Variants in GRIK4 observed in about 807,000 individuals in gnomAD.
The protein encoded by GRIK4 is glutamate ionotropic receptor kainate type subunit 4.
Under a neutral mutation model 104.9 loss-of-function variants are expected in GRIK4, and 40 were observed. That is an observed-to-expected ratio of 0.38 (90% CI 0.30 to 0.50). GRIK4 has a LOEUF of 0.50. Ranked by LOEUF, GRIK4 falls within the 20% of genes least tolerant of loss-of-function variation. The pLI is 0.93. For synonymous variants in GRIK4, 485 were observed against 524.9 expected (o/e 0.92, Z 1.04); for missense variants, 1,047 against 1,308.1 (o/e 0.80, Z 3.08).
intron 1 of GRIK4, among the ~76,000 whole-genome samples, chr11:120,537,941 C>G (rs1947995028): frequency 6.6e-6 from 1 of 152,066 alleles, no homozygotes; most frequent in African/African-American, 2.4e-5. Context: ...GGAAGTGTCT[C>G]TATCCTATGA....
chr11:120,544,875 A>G (rs1444405983), intron 1 of GRIK4, among the ~76,000 whole-genome samples: 1 of 152,330 alleles, frequency 6.6e-6, no homozygotes, highest in African/African-American at 2.4e-5. Context: ...CTAAGGGACC[A>G]TAAGATGAAA....
intron 3 of GRIK4, among the ~76,000 whole-genome samples, chr11:120,750,586 C>G (rs1417528460): frequency 6.6e-6 from 1 of 152,082 alleles, no homozygotes; most frequent in African/African-American, 2.4e-5. Context: ...CCAGGCTGGT[C>G]TCAAACTCCT....
intron 1 of GRIK4, among the ~76,000 whole-genome samples, chr11:120,517,056 C>A (rs1205254314): frequency 6.7e-6 from 1 of 148,662 alleles, no homozygotes; most frequent in African/African-American, 2.5e-5. Flanking sequence ...CCTCGCCGCC[C>A]TCCCTCCACG....
chr11:120,753,648 A>C (rs968206119), intron 3 of GRIK4, among the ~76,000 whole-genome samples: 2 of 152,174 alleles, frequency 1.3e-5, no homozygotes, highest in African/African-American at 4.8e-5. Flanking sequence ...TAGTTATTCT[A>C]CATCCAGCCC....
chr11:120,776,922 A>T (rs553423237), intron 3 of GRIK4, among the ~76,000 whole-genome samples: 1 of 152,298 alleles, frequency 6.6e-6, no homozygotes, highest in African/African-American at 2.4e-5. Flanking sequence ...CAGAAGCAAC[A>T]TCCCATGATT....
At chr11:120,529,956 TC>T (rs1947906077) in intron 1 of GRIK4, among the ~76,000 whole-genome samples, 1 of 152,202 alleles carries the variant, frequency 6.6e-6, no homozygotes, top group African/African-American at 2.4e-5. Flanking sequence ...AGAGCTAGGA[TC>T]CCGTTCTCCT....
intron 19 of GRIK4, among the ~76,000 whole-genome samples, chr11:120,975,147 G>T (rs750093571): frequency 2.0e-4 from 31 of 152,194 alleles, no homozygotes; most frequent in Non-Finnish European, 3.8e-4. Flanking sequence ...TGGAAAAGAG[G>T]CCAGTGGCAT....
chr11:120,644,176 T>C (rs1714966743), intron 1 of GRIK4, among the ~76,000 whole-genome samples: 1 of 152,124 alleles, frequency 6.6e-6, no homozygotes, highest in South Asian at 2.1e-4. Flanking sequence ...ACAAGGATAC[T>C]GTATTTTTTA....
chr11:120,887,208 G>T (rs772007955), intron 11 of GRIK4, among the ~76,000 whole-genome samples: 2 of 152,172 alleles, frequency 1.3e-5, no homozygotes, highest in Non-Finnish European at 2.9e-5. Context: ...TTTTGTGGCA[G>T]ATTGGAGAGG....
chr11:120,705,232 CTTTTTTTTT>C (rs902505786), intron 3 of GRIK4, among the ~76,000 whole-genome samples: 1 of 139,084 alleles, frequency 7.2e-6, no homozygotes, highest in African/African-American at 2.5e-5. Context: ...TCTTTCTTTT[CTTTTTTTTT>C]TTTTTTTGAG....
chr11:120,622,702 G>T (rs1487378769), intron 1 of GRIK4, among the ~76,000 whole-genome samples: 3 of 152,202 alleles, frequency 2.0e-5, no homozygotes, highest in Non-Finnish European at 2.9e-5. Context: ...GAGGCCAGAA[G>T]TCTGCAATCA....
intron 15 of GRIK4, among the ~76,000 whole-genome samples, chr11:120,954,367 G>A (rs1350615365): frequency 4.0e-5 from 6 of 151,850 alleles, no homozygotes; most frequent in Non-Finnish European, 8.8e-5. Flanking sequence ...CATGGCCACT[G>A]TTGAGTATCT....
chr11:120,928,280 A>G (rs1431063439), intron 13 of GRIK4, among the ~76,000 whole-genome samples: 1 of 151,204 alleles, frequency 6.6e-6, no homozygotes. Flanking sequence ...TAGCTTTCCC[A>G]AAGACCCCTC....
rs1011034724 is a variant in GRIK4, at chr11:120,962,693, A to G, written c.2266+12A>G. 2 of 1,578,322 alleles carry G rather than the reference A, an allele frequency of 1.3e-6. No individual in the cohort carries two copies. The highest frequency in any genetic ancestry group is 1.7e-6 in the Non-Finnish European group (2 of 1,147,764). On this transcript the variant is annotated intron_variant, in intron 18 of 20. Transcript: ENST00000527524. ...TGGCATGCCAGTCGGTATGCGGGAGAGGAACAGCCTCTTTGGGTAGCTTTG... is the reference window on the plus strand; with the variant it reads ...TGGCATGCCAGTCGGTATGCGGGAGGGGAACAGCCTCTTTGGGTAGCTTTG...
chr11:120,726,991 T>A (rs538925202), intron 3 of GRIK4, among the ~76,000 whole-genome samples: 1 of 152,256 alleles, frequency 6.6e-6, no homozygotes, highest in South Asian at 2.1e-4. Context: ...AATAAAAGAC[T>A]TCTCTGTTAT....
In GRIK4 at chr11:120,952,469, G is replaced by A. The variant is rs1684433158; in HGVS notation, c.1591-386G>A. Among the ~76,000 whole-genome samples, 1 of 152,206 alleles carries A rather than the reference G, an allele frequency of 6.6e-6. No individual in the cohort carries two copies. Among genetic ancestry groups the A allele is most frequent in the Admixed American group, 6.5e-5 (1 of 15,282 alleles). Reference sequence around the variant, plus strand: ...GATGTGAGTGTCTAAGAGGGATGCTGTGGTCGAATTCAGCAATGCAGACAG... The same window carrying A: ...GATGTGAGTGTCTAAGAGGGATGCTATGGTCGAATTCAGCAATGCAGACAG... On this transcript the variant is annotated intron_variant, in intron 14 of 20. Coordinates refer to ENST00000527524, the MANE Select transcript of GRIK4 (RefSeq NM_014619.5). The surrounding 1 kb of genome is among the most constrained non-coding windows in gnomAD (Gnocchi z 5.2).
intron 7 of GRIK4, among the ~76,000 whole-genome samples, chr11:120,835,383 C>T (rs1370213560): frequency 6.6e-6 from 1 of 152,128 alleles, no homozygotes; most frequent in Non-Finnish European, 1.5e-5. Flanking sequence ...CAAAAATTAG[C>T]CAGGTGTGGT....
chr11:120,786,327 C>T (rs939063791), intron 3 of GRIK4, among the ~76,000 whole-genome samples: 5 of 152,228 alleles, frequency 3.3e-5, no homozygotes, highest in African/African-American at 1.2e-4. Flanking sequence ...CTTACCCAAT[C>T]TCACCATCGC....
intron 3 of GRIK4, among the ~76,000 whole-genome samples, chr11:120,764,029 A>T (rs537106798): frequency 5.4e-4 from 82 of 152,274 alleles, no homozygotes; most frequent in Middle Eastern, 3.4e-3. Context: ...GATCTGTCTA[A>T]TATTGACAGT....
Sources: gnomAD v4.1 joint callset for allele counts (sites outside exome capture counted in the v4.1 genomes callset) on GRCh38, gnomAD v4.1.1 for gene constraint, Gnocchi (gnomAD v3.1) non-coding constraint, MANE v1.5 for transcripts, NCBI Gene and HGNC (gene_info 2026-07-23, HGNC 2026-07-21) for gene names.